The following NELL1 variants were observed in gnomAD, a reference collection of about 807,000 sequenced individuals.
The protein encoded by NELL1 is protein kinase C-binding protein NELL1.
NELL1 carries 76 observed loss-of-function variants against 107.4 expected under a neutral mutation model. The observed-to-expected ratio is 0.71, with a 90% CI of 0.59 to 0.86. NELL1 has a LOEUF of 0.86. Ranked by LOEUF, NELL1 falls within the 40% of genes least tolerant of loss-of-function variation. The pLI, the probability that NELL1 is intolerant of heterozygous loss-of-function variation, is 0.00. For synonymous variants in NELL1, 353 were observed against 341.2 expected (o/e 1.03, Z -0.38); for missense variants, 1,024 against 1,005.5 (o/e 1.02, Z -0.25).
At chr11:21,547,244 C>T (rs12421933) in intron 16 of NELL1, among the ~76,000 whole-genome samples, 19,203 of 151,818 alleles carry the variant, frequency 0.13, 1,305 homozygotes, top group Middle Eastern at 0.18. Context: ...TTTTTCCAGG[C>T]GAACTACTCA....
intron 2 of NELL1, among the ~76,000 whole-genome samples, chr11:20,756,833 A>C (rs184520165): frequency 1.3e-5 from 2 of 152,118 alleles, no homozygotes; most frequent in African/African-American, 4.8e-5. Flanking sequence ...GAACCATTGC[A>C]CTAGACTCCA....
chr11:21,076,634 G>A (rs1279520003), intron 12 of NELL1, among the ~76,000 whole-genome samples: 2 of 152,156 alleles, frequency 1.3e-5, no homozygotes, highest in Admixed American at 1.3e-4. Flanking sequence ...GGATGCTTGT[G>A]CCCTGAAAAC....
chr11:21,372,880 T>C (rs1565192928), intron 15 of NELL1, among the ~76,000 whole-genome samples: 1 of 152,066 alleles, frequency 6.6e-6, no homozygotes, highest in Non-Finnish European at 1.5e-5. Context: ...TTGTCCTTTG[T>C]CCTTTTCTCT....
intron 13 of NELL1, among the ~76,000 whole-genome samples, chr11:21,228,701 T>TCCCCCCCCTCCCCC (rs1857958792): frequency 2.3e-3 from 4 of 1,774 alleles, no homozygotes; most frequent in Non-Finnish European, 2.5e-3. Flanking sequence ...CCCCTCTCCT[T>TCCCCCCCCTCCCCC]CCCTCCCCTC....
chr11:20,908,100 G>A (rs1023902194), intron 5 of NELL1, among the ~76,000 whole-genome samples: 2 of 152,102 alleles, frequency 1.3e-5, no homozygotes, highest in Non-Finnish European at 2.9e-5. Flanking sequence ...TTATGCTATT[G>A]GTGGGAATGT....
chr11:21,435,614 C>T (rs2133839062), intron 15 of NELL1, among the ~76,000 whole-genome samples: 1 of 151,750 alleles, frequency 6.6e-6, no homozygotes, highest in Admixed American at 6.6e-5. Context: ...GTTCTTCATT[C>T]TGTTGATCAC....
intron 2 of NELL1, among the ~76,000 whole-genome samples, chr11:20,779,341 T>C (rs1405729675): frequency 6.6e-6 from 1 of 152,230 alleles, no homozygotes; most frequent in Non-Finnish European, 1.5e-5. Context: ...CAATCCTTTT[T>C]ATCTGTGTTC....
At chr11:21,571,038 T>C (rs1857090523) in intron 18 of NELL1, 98 bp downstream of exon 18, 1 of 1,109,800 alleles carries the variant, frequency 9.0e-7, no homozygotes, top group Non-Finnish European at 1.3e-6. Context: ...TTCATAATAC[T>C]ATACAGGGAG....
chr11:20,690,644 C>A (rs1459469774), intron 2 of NELL1, among the ~76,000 whole-genome samples: 1 of 151,342 alleles, frequency 6.6e-6, no homozygotes, highest in Non-Finnish European at 1.5e-5. Context: ...TGATCTATAT[C>A]TCTGTTTTGG....
chr11:20,726,504 C>T (rs1432831536), intron 2 of NELL1, among the ~76,000 whole-genome samples: 4 of 151,658 alleles, frequency 2.6e-5, no homozygotes, highest in African/African-American at 7.3e-5. Context: ...TTGAACTTTA[C>T]ACAAGTTGAA....
At chr11:20,719,033 A>G (rs1174970455) in intron 2 of NELL1, among the ~76,000 whole-genome samples, 3 of 152,250 alleles carry the variant, frequency 2.0e-5, no homozygotes, top group Admixed American at 1.3e-4. Context: ...CCTCGAAAGC[A>G]TCTTCTAGAA....
At chr11:21,441,330 CGTGTGTGTGTGTGT>C (rs201892977) in intron 15 of NELL1, among the ~76,000 whole-genome samples, 73 of 140,244 alleles carry the variant, frequency 5.2e-4, no homozygotes, top group South Asian at 9.6e-4. Context: ...GAGGCTGTGA[CGTGTGTGTGTGTGT>C]GTGTGTGTGT....
chr11:21,016,386 C>T (rs1852564267), intron 12 of NELL1, among the ~76,000 whole-genome samples: 2 of 152,050 alleles, frequency 1.3e-5, no homozygotes, highest in African/African-American at 4.8e-5. Flanking sequence ...TTTCATGCTT[C>T]ATACAGTCAG....
At chr11:21,000,851 A>G (rs16907243) in intron 12 of NELL1, 54,059 of 151,970 alleles carry the variant, frequency 0.36, 12,896 homozygotes, top group African/African-American at 0.68. Flanking sequence ...AGACAAGATC[A>G]GGCACATTCA....
At position 20,834,849 on chromosome 11, in the gene NELL1, G is replaced by A. The variant is rs140470533; in HGVS notation, c.336-12734G>A. Among the ~76,000 whole-genome samples, 387 of 152,244 alleles carry A rather than the reference G, an allele frequency of 2.5e-3. 3 individuals carry two copies. The highest frequency in any genetic ancestry group is 8.8e-3 in the African/African-American group (367 of 41,530). ...TAAGAAAACAAATTTTGCATAACTG[G>A]TGACACCCGTGGGAGTGTTTGAACA... On this transcript the variant is annotated intron_variant, in intron 3 of 19. Coordinates refer to ENST00000357134, the MANE Select transcript of NELL1 (RefSeq NM_006157.5).
intron 11 of NELL1, among the ~76,000 whole-genome samples, chr11:20,956,530 C>T (rs867884471): frequency 5.9e-5 from 9 of 151,394 alleles, no homozygotes; most frequent in Admixed American, 1.3e-4. Flanking sequence ...CCCGTAGTCC[C>T]GGCTACTTGG....
chr11:21,184,698 T>A (rs73452231), intron 13 of NELL1, among the ~76,000 whole-genome samples: 3,037 of 149,832 alleles, frequency 0.02, 188 homozygotes, highest in African/African-American at 0.069. Flanking sequence ...AGCATTTAAT[T>A]TATGATATGT....
intron 12 of NELL1, among the ~76,000 whole-genome samples, chr11:20,977,082 C>A (rs1851652587): frequency 2.0e-5 from 3 of 151,768 alleles, no homozygotes; most frequent in Admixed American, 2.0e-4. Flanking sequence ...ATAAATATGA[C>A]AATAACAAAT....
chr11:21,155,836 G>A (rs1856219416), intron 13 of NELL1, among the ~76,000 whole-genome samples: 1 of 152,184 alleles, frequency 6.6e-6, no homozygotes, highest in African/African-American at 2.4e-5. Flanking sequence ...AGGAGAGGTT[G>A]TGACTGATTG....
Sources: allele counts gnomAD v4.1 joint callset (sites outside exome capture counted in the v4.1 genomes callset), GRCh38; gene constraint gnomAD v4.1.1; transcripts MANE v1.5; gene names NCBI Gene and HGNC (gene_info 2026-07-23, HGNC 2026-07-21).